Variants in GABRA4 observed in about 807,000 individuals in gnomAD.
The protein encoded by GABRA4 is gamma-aminobutyric acid type A receptor subunit alpha4.
GABRA4 carries 12 observed loss-of-function variants against 49.7 expected under a neutral mutation model. That is an observed-to-expected ratio of 0.24 (90% CI 0.15 to 0.39). GABRA4 has a LOEUF of 0.39. Ranked by LOEUF, GABRA4 falls within the 10% of genes least tolerant of loss-of-function variation. GABRA4 has a pLI of 1.00. For missense variants in GABRA4, 506 were observed against 686.0 expected (o/e 0.74, Z 2.93); for synonymous variants, 288 against 240.2 (o/e 1.20, Z -1.84).
rs1434333978 is a variant in GABRA4 at position 46,925,533 on chromosome 4, A to G, written c.*2692T>C. Reference sequence around the variant, plus strand: ...AATTATTCATTATTATTCATAGATAACCAGAACTTTGGGTGCCCCTAATCA... The same window carrying G: ...AATTATTCATTATTATTCATAGATAGCCAGAACTTTGGGTGCCCCTAATCA... On this transcript the variant is annotated 3_prime_UTR_variant, in exon 9 of 9. Transcript: ENST00000264318. 1 of 151,590 alleles carries G rather than the reference A, an allele frequency of 6.6e-6. No homozygotes were observed. The highest frequency in any genetic ancestry group is 1.5e-5 in the Non-Finnish European group (1 of 67,752). 9.4% of individuals were successfully genotyped at this position (151,590 alleles called of 1,614,324 possible).
chr4:46,933,127 G>A (rs1721500314), intron 8 of GABRA4, among the ~76,000 whole-genome samples: 1 of 152,076 alleles, frequency 6.6e-6, no homozygotes, highest in African/African-American at 2.4e-5. Context: ...AAAGATTACT[G>A]TCTGAAAACA....
At chr4:46,969,393 G>T (rs1722874146) in intron 7 of GABRA4, among the ~76,000 whole-genome samples, 1 of 151,436 alleles carries the variant, frequency 6.6e-6, no homozygotes, top group Admixed American at 6.6e-5. Context: ...AAGAGACTTT[G>T]GATGCTCAGT....
At chr4:46,992,806 G>T (rs377420644) in intron 2 of GABRA4, 22 bp downstream of exon 2, 2 of 1,532,816 alleles carry the variant, frequency 1.3e-6, no homozygotes, top group African/African-American at 1.4e-5. Flanking sequence ...GGACACACTT[G>T]CGCGTTTGAA....
intron 8 of GABRA4, among the ~76,000 whole-genome samples, chr4:46,955,440 A>G (rs528552874): frequency 1.3e-5 from 2 of 152,178 alleles, no homozygotes; most frequent in Admixed American, 1.3e-4. Context: ...GCTAAAATTG[A>G]TTTCTTCTTC....
chr4:46,985,373 G>T (rs1224342695), intron 2 of GABRA4, among the ~76,000 whole-genome samples: 1 of 151,902 alleles, frequency 6.6e-6, no homozygotes, highest in Non-Finnish European at 1.5e-5. Flanking sequence ...ACTTTGTGCT[G>T]GTTGGTGGTT....
At chr4:46,993,004 A>T in intron 1 of GABRA4, 58 bp from the exon 2 acceptor site, 1 of 1,298,386 alleles carries the variant, frequency 7.7e-7, no homozygotes, top group South Asian at 1.2e-5. Flanking sequence ...AATCCATCAG[A>T]GAACAGGTGC....
At position 46,971,079 on chromosome 4, in the gene GABRA4, T is replaced by C; in HGVS notation, c.874+4A>G. ...AAAACGCCCAAGAAATGAATTGCAA[T>C]TACCAAATACAGTCCTAGCGGGAAC... On this transcript the variant is annotated splice_donor_region_variant and intron_variant, in intron 7 of 8. Coordinates refer to ENST00000264318, the MANE Select transcript of GABRA4 (RefSeq NM_000809.4). 1 of 1,599,070 alleles carries C rather than the reference T, an allele frequency of 6.3e-7. No homozygotes were observed. The highest frequency in any genetic ancestry group is 8.5e-7 in the Non-Finnish European group (1 of 1,174,156).
At chr4:46,942,715 T>C (rs1721850629) in intron 8 of GABRA4, among the ~76,000 whole-genome samples, 1 of 152,068 alleles carries the variant, frequency 6.6e-6, no homozygotes, top group African/African-American at 2.4e-5. Context: ...TTCTTCCCAT[T>C]ATTCTATATT....
chr4:46,971,105 T>A lies in GABRA4; in HGVS notation c.852A>T (p.Ser284=). The change falls in exon 7 of 9, where the codon TCA becomes TCT. Residue 284 remains serine, a synonymous_variant. Transcript: ENST00000264318. ...TACCAAATACAGTCCTAGCGGGAAC[T>A]GATTCTTTATTTATCCAAAATGAAA... ...SQVSFWINKE[S]VPARTVFGIT... 2 of 1,609,412 alleles carry A rather than the reference T, an allele frequency of 1.2e-6. No individual in the cohort carries two copies. Among genetic ancestry groups the A allele is most frequent in the Non-Finnish European group, 1.7e-6 (2 of 1,177,040 alleles).
chr4:46,992,603 T>G, intron 2 of GABRA4: 2 of 528,208 alleles, frequency 3.8e-6, no homozygotes, highest in Non-Finnish European at 3.4e-6. Flanking sequence ...CGGGAGGTAA[T>G]TAGTGTGGGG....
At chr4:46,951,795 C>CGT (rs4032300) in intron 8 of GABRA4, among the ~76,000 whole-genome samples, 113 of 149,158 alleles carry the variant, frequency 7.6e-4, no homozygotes, top group Admixed American at 1.5e-3. Context: ...TATGTGTGTA[C>CGT]GTGTGTGTGT....
chr4:46,953,044 G>A (rs974210536), intron 8 of GABRA4, among the ~76,000 whole-genome samples: 1 of 152,086 alleles, frequency 6.6e-6, no homozygotes, highest in East Asian at 1.9e-4. Context: ...ATGTGCTGGG[G>A]AAGTGACGGA....
Position 46,928,475 on chromosome 4 carries a change from G to C in GABRA4, c.1415C>G (p.Ser472Cys). 1 of 1,613,718 alleles carries C rather than the reference G, an allele frequency of 6.2e-7. No individual in the cohort carries two copies. Among genetic ancestry groups the C allele is most frequent in the African/African-American group, 1.3e-5 (1 of 75,024 alleles). The change falls in exon 9 of 9, where the codon TCT (serine) becomes TGT (cysteine). Residue 472 changes from serine (S) to cysteine (C), a missense_variant. Physicochemically the swap from Ser to Cys is moderately radical, Grantham distance 112. This residue lies in a region of GABRA4 where 243 missense variants were observed against 210.8 expected (regional missense o/e 1.15). Transcript: ENST00000264318. ...GYMPRKASVG[S>C]ASTRHVFGSR... ...TCCAAACACGTGACGAGTAGAAGCA[G>C]ATCCAACTGAAGCCTTTCGAGGCAT...
intron 8 of GABRA4, among the ~76,000 whole-genome samples, chr4:46,964,747 A>G (rs1430581660): frequency 1.3e-5 from 2 of 151,814 alleles, no homozygotes; most frequent in Non-Finnish European, 2.9e-5. Context: ...CTTTCAAACA[A>G]TTAGCTTCGC....
intron 8 of GABRA4, among the ~76,000 whole-genome samples, chr4:46,950,357 GT>G (rs1463506220): frequency 6.6e-6 from 1 of 152,026 alleles, no homozygotes; most frequent in Non-Finnish European, 1.5e-5. Flanking sequence ...CTAAATCTCT[GT>G]CTTCAAAACA....
rs1215956664 is a variant in GABRA4 at position 46,918,958 on chromosome 4, A to T, written c.*9267T>A. On this transcript the variant is annotated 3_prime_UTR_variant, in exon 9 of 9. Coordinates refer to ENST00000264318, the MANE Select transcript of GABRA4 (RefSeq NM_000809.4). Reference sequence around the variant, plus strand: ...TAAATAGAAAAAATACATTAGAGGGATATAATGTTTTATATTTTAATAATT... The same window carrying T: ...TAAATAGAAAAAATACATTAGAGGGTTATAATGTTTTATATTTTAATAATT... 5.3e-5 allele frequency: 8 copies of T among 151,674 alleles called. No homozygotes were observed. Among genetic ancestry groups the T allele is most frequent in the Non-Finnish European group, 1.2e-4 (8 of 67,644 alleles). 9.4% of individuals were successfully genotyped at this position (151,674 alleles called of 1,614,324 possible).
At position 46,928,602 on chromosome 4, in the gene GABRA4, C is replaced by G; in HGVS notation, c.1288G>C (p.Ala430Pro). The G allele has an allele frequency of 2.5e-6, 4 of 1,613,746 alleles. No individual in the cohort carries two copies. Among genetic ancestry groups the G allele is most frequent in the Non-Finnish European group, 2.5e-6 (3 of 1,179,804 alleles). The change falls in exon 9 of 9, where the codon GCT (alanine) becomes CCT (proline). Residue 430 changes from alanine to proline, a missense_variant. Transcript: ENST00000264318. ...SSKGTPRSYL[A>P]SSPNPFSRAN... ...CGGCTGAATGGGTTTGGACTGGAAG[C>G]TAAGTAAGACCGAGGTGTGCCTTTA...
chr4:46,938,052 T>G (rs531711422), intron 8 of GABRA4, among the ~76,000 whole-genome samples: 1 of 152,066 alleles, frequency 6.6e-6, no homozygotes, highest in South Asian at 2.1e-4. Flanking sequence ...TTTATAACTT[T>G]TCTTTTTCAC....
chr4:46,987,281 C>T (rs1723575961), intron 2 of GABRA4, among the ~76,000 whole-genome samples: 1 of 152,104 alleles, frequency 6.6e-6, no homozygotes, highest in Non-Finnish European at 1.5e-5. Context: ...TAGAAGACTC[C>T]ATCCCAAATG....
Sources: gnomAD v4.1 joint callset for allele counts (sites outside exome capture counted in the v4.1 genomes callset) on GRCh38, gnomAD v4.1.1 for gene constraint, gnomAD v4.1.1 regional missense constraint, MANE v1.5 for transcripts, NCBI Gene and HGNC (gene_info 2026-07-23, HGNC 2026-07-21) for gene names.